Variants in PTCH1 observed in about 807,000 individuals in gnomAD.
PTCH1 encodes the protein protein patched homolog 1.
PTCH1 carries 14 observed loss-of-function variants against 144.6 expected under a neutral mutation model. The observed-to-expected ratio is 0.10, with a 90% CI of 0.06 to 0.15. The LOEUF is 0.15. PTCH1 is among the 10% of genes least tolerant of loss of function. PTCH1 has a pLI of 1.00. For missense variants in PTCH1, 1,623 were observed against 1,948.3 expected (o/e 0.83, Z 3.14); for synonymous variants, 833 against 793.6 (o/e 1.05, Z -0.83).
chr9:95,505,141 G>A (rs74553730), intron 2 of PTCH1, among the ~76,000 whole-genome samples: 8,309 of 152,164 alleles, frequency 0.055, 752 homozygotes, highest in African/African-American at 0.19. Context: ...TCCACCCCAG[G>A]CTTGCAAAAC....
At chr9:95,497,129 C>T (rs1301615762) in intron 2 of PTCH1, among the ~76,000 whole-genome samples, 1 of 152,170 alleles carries the variant, frequency 6.6e-6, no homozygotes, top group Non-Finnish European at 1.5e-5. Flanking sequence ...TCAACAATTC[C>T]GCAAATTCAA....
chr9:95,480,138 C>T (rs2118399327), intron 6 of PTCH1, 48 bp from the exon 7 acceptor site: 1 of 1,612,038 alleles, frequency 6.2e-7, no homozygotes. Context: ...GTAGGCAGGT[C>T]ACATGCCTTG....
chr9:95,516,053 T>G (rs1844348522), intron 1 of PTCH1, among the ~76,000 whole-genome samples: 1 of 152,058 alleles, frequency 6.6e-6, no homozygotes, highest in East Asian at 1.9e-4. Flanking sequence ...CTGCCTCCGC[T>G]GGCGAGTCAG....
At chr9:95,473,160 G>C (rs1391965852) in intron 12 of PTCH1, among the ~76,000 whole-genome samples, 1 of 152,250 alleles carries the variant, frequency 6.6e-6, no homozygotes, top group Admixed American at 6.5e-5. Context: ...GTGATTTCTG[G>C]TGTAGAGATG....
intron 2 of PTCH1, among the ~76,000 whole-genome samples, chr9:95,486,200 C>CCTGTTACA (rs1841954753): frequency 6.6e-6 from 1 of 152,152 alleles, no homozygotes; most frequent in South Asian, 2.1e-4. Context: ...ACCAAATAAC[C>CCTGTTACA]CTGTTACAAT....
At chr9:95,495,023 C>G (rs28633576) in intron 2 of PTCH1, 1 of 152,266 alleles carries the variant, frequency 6.6e-6, no homozygotes, top group Non-Finnish European at 1.5e-5. Flanking sequence ...CACCTTCGCA[C>G]GCAGGCTCCC....
At chr9:95,488,470 A>G (rs561920696) in intron 2 of PTCH1, among the ~76,000 whole-genome samples, 3 of 152,238 alleles carry the variant, frequency 2.0e-5, no homozygotes, top group Non-Finnish European at 4.4e-5. Context: ...ATATGGTTAT[A>G]TTTTATCTAA....
At position 95,464,748 on chromosome 9, in the gene PTCH1, T is replaced by C. The variant is rs191847806; in HGVS notation, c.2560+2368A>G. 3.7e-3 allele frequency among the ~76,000 whole-genome samples: 560 copies of C among 152,284 alleles called. 4 individuals are homozygous for C. Among genetic ancestry groups the C allele is most frequent in the African/African-American group, 0.013 (542 of 41,552 alleles). On this transcript the variant is annotated intron_variant, in intron 15 of 23. Coordinates refer to ENST00000331920, the MANE Select transcript of PTCH1 (RefSeq NM_000264.5). ...GTCGATAAAGACCAATGAGATGACATAGTTTTAATGGGAATTCCATTAAAA... is the reference window on the plus strand; with the variant it reads ...GTCGATAAAGACCAATGAGATGACACAGTTTTAATGGGAATTCCATTAAAA...
chr9:95,483,366 A>G (rs1841709940), intron 3 of PTCH1: 1 of 151,804 alleles, frequency 6.6e-6, no homozygotes, highest in Non-Finnish European at 1.5e-5. Context: ...AACGAAAAAA[A>G]AAAGAAAATC....
chr9:95,501,032 A>G (rs905282537), intron 2 of PTCH1, among the ~76,000 whole-genome samples: 3 of 152,218 alleles, frequency 2.0e-5, no homozygotes, highest in African/African-American at 7.2e-5. Context: ...CAGGAATGGG[A>G]TGGGGGAGTT....
intron 1 of PTCH1, chr9:95,507,766 A>C: frequency 4.0e-6 from 1 of 253,044 alleles, no homozygotes; most frequent in Non-Finnish European, 6.6e-6. Context: ...TTAGGCTGCA[A>C]ATAGGGGCAG....
In PTCH1 at chr9:95,508,553, TGCCGCTGCG is replaced by T. The variant is rs1193385986; in HGVS notation, c.-201_-193del. The T allele has an allele frequency of 2.3e-5, 23 of 1,006,466 alleles. No individual in the cohort carries two copies. Among genetic ancestry groups the T allele is most frequent in the Middle Eastern group, 4.9e-4 (1 of 2,054 alleles). The allele number at this position is 1,006,466 out of a possible 1,614,324, so 62.3% of individuals were successfully genotyped here. On this transcript the variant is annotated 5_prime_UTR_variant, in exon 1 of 24. Transcript: ENST00000331920. ...CTGCTGCTCACACGGCGGGCGCTGC[TGCCGCTGCG>T]GCCGCGGCCGCTGCCGGGGAGTCAG...
rs898837164 is a variant in PTCH1, at chr9:95,444,609, G to C, written c.*1784C>G. ...AGGGTCTGAGGTCACTATGCTGTGG[G>C]TATTTCTGGGGGCCCATTACCTTTC... is the stretch of plus-strand genomic sequence containing the variant. On this transcript the variant is annotated 3_prime_UTR_variant, in exon 24 of 24. Coordinates refer to ENST00000331920, the MANE Select transcript of PTCH1 (RefSeq NM_000264.5). 6.6e-6 allele frequency: 1 copy of C among 152,220 alleles called. No individual in the cohort carries two copies. Among genetic ancestry groups the C allele is most frequent in the African/African-American group, 2.4e-5 (1 of 41,400 alleles). The allele number at this position is 152,220 out of a possible 1,614,324, so 9.4% of individuals were successfully genotyped here.
Position 95,508,207 on chromosome 9 carries a change from C to G in PTCH1, c.155G>C (p.Arg52Pro), listed in dbSNP as rs777207639. The G allele has an allele frequency of 2.5e-6, 4 of 1,612,194 alleles. No individual in the cohort carries two copies. The highest frequency in any genetic ancestry group is 1.3e-5 in the African/African-American group (1 of 74,894). The change falls in exon 1 of 24, where the codon CGG (arginine) becomes CCG (proline). Residue 52 changes from arginine to proline, a missense_variant. Transcript: ENST00000331920. Reference sequence around the variant, plus strand: ...GAAGGCGGCGTCGCAGTAGCTGGGCCGGTGCAGATAGTCCCGGTCCGGCGC... The same window carrying G: ...GAAGGCGGCGTCGCAGTAGCTGGGCGGGTGCAGATAGTCCCGGTCCGGCGC... ...AAAPDRDYLH[R>P]PSYCDAAFAL...
intron 16 of PTCH1, 102 bp downstream of exon 16, chr9:95,461,754 T>C (rs1213655045): frequency 6.6e-7 from 1 of 1,507,376 alleles, no homozygotes; most frequent in Admixed American, 1.9e-5. Flanking sequence ...GCCTTAGGTC[T>C]CCAGAGAGCA....
At chr9:95,468,463 G>A (rs928383137) in intron 14 of PTCH1, among the ~76,000 whole-genome samples, 2 of 152,190 alleles carry the variant, frequency 1.3e-5, no homozygotes, top group Non-Finnish European at 2.9e-5. Context: ...CTCCCAAAGC[G>A]CTGGGTTAAC....
intron 18 of PTCH1, among the ~76,000 whole-genome samples, chr9:95,457,562 G>A (rs970413404): frequency 6.6e-6 from 1 of 152,068 alleles, no homozygotes; most frequent in African/African-American, 2.4e-5. Flanking sequence ...TTTCCCCCAG[G>A]ACTTAAAACA....
chr9:95,505,400 A>G (rs545477533), intron 2 of PTCH1, among the ~76,000 whole-genome samples: 6 of 152,332 alleles, frequency 3.9e-5, no homozygotes, highest in South Asian at 4.1e-4. Context: ...GTTTCCAAAT[A>G]GCAGGATTTG....
chr9:95,476,246 TAACACA>T lies in PTCH1; in HGVS notation c.1603-93_1603-88del. 6.5e-7 allele frequency: 1 copy of T among 1,534,588 alleles called. No individual in the cohort carries two copies. The highest frequency in any genetic ancestry group is 8.8e-7 in the Non-Finnish European group (1 of 1,138,172). ...CTGTGTGAGCAGATACGTGGCAGAA[TAACACA>T]ACTGTTATTACAGCTTATCATGCTG... On this transcript the variant is annotated intron_variant, in intron 11 of 23. Coordinates refer to ENST00000331920, the MANE Select transcript of PTCH1 (RefSeq NM_000264.5). The surrounding 1 kb of genome is among the most constrained non-coding windows in gnomAD (Gnocchi z 4.6).
Sources: gnomAD v4.1 joint callset for allele counts (sites outside exome capture counted in the v4.1 genomes callset) on GRCh38, gnomAD v4.1.1 for gene constraint, Gnocchi (gnomAD v3.1) non-coding constraint, MANE v1.5 for transcripts, NCBI Gene and HGNC (gene_info 2026-07-23, HGNC 2026-07-21) for gene names.